Variants in MED16 observed in about 807,000 individuals in gnomAD.
MED16 encodes mediator of RNA polymerase II transcription subunit 16.
MED16 carries 81 observed loss-of-function variants against 84.4 expected under a neutral mutation model. That is an observed-to-expected ratio of 0.96 (90% CI 0.80 to 1.15). The LOEUF (loss-of-function observed/expected upper bound fraction) is 1.15. Ranked by LOEUF, MED16 falls within the 50% of genes most tolerant of loss-of-function variation. MED16 has a pLI of 0.00. For synonymous variants in MED16, 897 were observed against 552.2 expected (o/e 1.62, Z -8.76); for missense variants, 1,585 against 1,245.9 (o/e 1.27, Z -4.10).
At chr19:869,035 G>A (rs569105598) in intron 13 of MED16, 89 bp from the exon 14 acceptor site, 1,366 of 1,191,170 alleles carry the variant, frequency 1.1e-3, no homozygotes, top group Non-Finnish European at 1.5e-3. Flanking sequence ...GGGGGTGGAG[G>A]GAATGGCCGG....
At chr19:877,972 A>ACAT (rs2145217757) in intron 8 of MED16, among the ~76,000 whole-genome samples, 1 of 24,274 alleles carries the variant, frequency 4.1e-5, no homozygotes, top group East Asian at 9.6e-4. Flanking sequence ...CCCCAGCCCC[A>ACAT]GCCCCACGTG....
intron 8 of MED16, among the ~76,000 whole-genome samples, chr19:879,692 C>G (rs949847272): frequency 1.4e-5 from 2 of 140,718 alleles, no homozygotes. Context: ...CCCCACGTGC[C>G]CCAGCAGCTC....
At chr19:889,025 A>G (rs2036578595) in intron 4 of MED16, among the ~76,000 whole-genome samples, 2 of 142,810 alleles carry the variant, frequency 1.4e-5, no homozygotes, top group African/African-American at 2.6e-5. Flanking sequence ...TGCCCCCCCA[A>G]CCCTGGCCAC....
intron 9 of MED16, among the ~76,000 whole-genome samples, chr19:875,874 G>GGAGGCT (rs924949208): frequency 5.9e-5 from 9 of 152,282 alleles, no homozygotes; most frequent in South Asian, 2.1e-4. Context: ...AAGCATTTTG[G>GGAGGCT]GAGGCTGAGG....
At position 891,033 on chromosome 19, in the gene MED16, C is replaced by T. The variant is rs1568334579; in HGVS notation, c.99G>A (p.Val33=). ...GGCAGGACCAGGCGCAGGCCAGGGG[C>T]ACCGATGGGCAGTGGGTGCTCTTGG... ...KWSKSTHCPS[V]PLACAWSCRN... is the part of the protein sequence containing the mutation. Residue 33 remains valine, a synonymous_variant, in exon 2 of 16, where the codon GTG becomes GTA. Transcript: ENST00000325464. The T allele has an allele frequency of 6.2e-7, 1 of 1,614,084 alleles. No individual in the cohort carries two copies.
At chr19:872,673 G>C (rs896531352) in intron 11 of MED16, among the ~76,000 whole-genome samples, 1 of 151,762 alleles carries the variant, frequency 6.6e-6, no homozygotes, top group African/African-American at 2.4e-5. Context: ...GGGCGAGGTT[G>C]GAGCCCTGGT....
At chr19:871,601 G>T (rs776091251) in intron 12 of MED16, 1 of 1,595,916 alleles carries the variant, frequency 6.3e-7, no homozygotes, top group South Asian at 1.1e-5. Flanking sequence ...ACAGCAAACA[G>T]GTGCCTGGAA....
chr19:890,271 G>A (rs372822683), intron 2 of MED16, 27 bp from the exon 3 acceptor site: 63 of 1,442,188 alleles, frequency 4.4e-5, no homozygotes, highest in African/African-American at 2.0e-4. Context: ...TGGTCAGCAC[G>A]GCCTGGCACC....
intron 7 of MED16, among the ~76,000 whole-genome samples, chr19:880,563 G>A (rs1309758501): frequency 6.6e-6 from 1 of 152,222 alleles, no homozygotes; most frequent in African/African-American, 2.4e-5. Context: ...GAGGGCCGGG[G>A]GGAGGTGGGG....
rs2036622699 is a variant in MED16 at position 891,108 on chromosome 19, C to G, written c.24G>C (p.Ala8=). MCDLRRP[A]AGGMMDLAYV... is the part of the protein sequence containing the mutation. The stretch of plus-strand genomic sequence containing the variant: ...AGGCCAAGTCCATCATCCCACCTGC[C>G]GCTGGCCGCCGCAAATCACACATGA... Residue 8 remains alanine (A), a synonymous_variant, in exon 2 of 16, where the codon GCG becomes GCC. Coordinates refer to ENST00000325464, the MANE Select transcript of MED16 (RefSeq NM_005481.3). 1.5e-5 allele frequency: 25 copies of G among 1,613,414 alleles called. No homozygotes were observed. The highest frequency in any genetic ancestry group is 2.1e-5 in the Non-Finnish European group (25 of 1,179,756).
chr19:882,867 C>G (rs2036448572), intron 6 of MED16, among the ~76,000 whole-genome samples: 1 of 152,210 alleles, frequency 6.6e-6, no homozygotes, highest in Non-Finnish European at 1.5e-5. Flanking sequence ...GCCTTGACCT[C>G]CTGCAAACCC....
chr19:874,023 C>T (rs997403137), intron 10 of MED16, among the ~76,000 whole-genome samples: 38 of 152,292 alleles, frequency 2.5e-4, no homozygotes, highest in Non-Finnish European at 4.9e-4. Flanking sequence ...CTAGGGTGGT[C>T]CCACAGAACT....
chr19:882,901 T>C (rs1432672342), intron 6 of MED16, among the ~76,000 whole-genome samples: 3 of 152,118 alleles, frequency 2.0e-5, no homozygotes, highest in African/African-American at 7.2e-5. Flanking sequence ...GTGAGCAGCA[T>C]TCCCTGGGGG....
chr19:869,046 C>T, intron 13 of MED16, 100 bp from the exon 14 acceptor site: 3 of 1,044,896 alleles, frequency 2.9e-6, no homozygotes, highest in Admixed American at 5.8e-5. Flanking sequence ...GAATGGCCGG[C>T]CTCACACCAT....
chr19:871,294 G>A, intron 12 of MED16, 41 bp from the exon 13 acceptor site: 12 of 1,506,734 alleles, frequency 8.0e-6, no homozygotes, highest in Non-Finnish European at 1.1e-5. Context: ...CCCCTGACTG[G>A]GGCACCGCCC....
Position 880,017 on chromosome 19 carries a change from C to A in MED16, c.1273G>T (p.Ala425Ser). Residue 425 changes from alanine to serine, a missense_variant, in exon 8 of 16, where the codon GCG becomes TCG. Transcript: ENST00000325464. Reference protein sequence around the residue: ...DEPAMKRPRTAGPAVHLKAMQ... With the variant: ...DEPAMKRPRTSGPAVHLKAMQ... ...GCCTTTAAGTGGACGGCGGGGCCCG[C>A]GGTGCGGGGGCGCTTCATGGCCGGC... 2 of 1,610,278 alleles carry A rather than the reference C, an allele frequency of 1.2e-6. No homozygotes were observed. The highest frequency in any genetic ancestry group is 1.7e-6 in the Non-Finnish European group (2 of 1,178,776).
Position 868,849 on chromosome 19 carries a change from CG to C in MED16, c.2399+13del, listed in dbSNP as rs1568316461. The C allele has an allele frequency of 8.4e-6, 13 of 1,545,198 alleles. No homozygotes were observed. Among genetic ancestry groups the C allele is most frequent in the Admixed American group, 2.0e-5 (1 of 50,748 alleles). On this transcript the variant is annotated intron_variant, in intron 14 of 15. Coordinates refer to ENST00000325464, the MANE Select transcript of MED16 (RefSeq NM_005481.3). The stretch of plus-strand genomic sequence containing the variant: ...GCACATCTCTGGGAGTCAGCGGTTC[CG>C]GGGGCCCCTCACCTGGTGCAGGCCT...
rs761446668 is a variant in MED16 at position 880,001 on chromosome 19, T to C, written c.1289A>G (p.His430Arg). Reference protein sequence around the residue: ...KRPRTAGPAVHLKAMQLSWTS... With the variant: ...KRPRTAGPAVRLKAMQLSWTS... ...CCACGATAGCTGCATAGCCTTTAAG[T>C]GGACGGCGGGGCCCGCGGTGCGGGG... is the stretch of plus-strand genomic sequence containing the variant. Residue 430 changes from histidine to arginine, a missense_variant, in exon 8 of 16, where the codon CAC becomes CGC. Transcript: ENST00000325464. 10 of 1,609,928 alleles carry C rather than the reference T, an allele frequency of 6.2e-6. No individual in the cohort carries two copies. The highest frequency in any genetic ancestry group is 1.7e-5 in the Admixed American group (1 of 59,634).
intron 14 of MED16, 108 bp from the exon 15 acceptor site, chr19:868,607 G>A (rs536804028): frequency 5.5e-5 from 79 of 1,434,188 alleles, no homozygotes; most frequent in Non-Finnish European, 6.4e-5. Flanking sequence ...CGTCCCTCAC[G>A]CCTGCTCCCC....
Sources: gnomAD v4.1 joint callset for allele counts (sites outside exome capture counted in the v4.1 genomes callset) on GRCh38, gnomAD v4.1.1 for gene constraint, MANE v1.5 for transcripts, NCBI Gene and HGNC (gene_info 2026-07-23, HGNC 2026-07-21) for gene names.